RP1L1: variants seen among roughly 807,000 people sequenced by gnomAD.
The protein encoded by RP1L1 is RP1 like 1.
A neutral mutation model predicts 15.7 loss-of-function variants in RP1L1; 27 were observed. The ratio of observed to expected loss-of-function variants is 1.72; its 90% CI spans 1.27 to 2.38. The LOEUF is 2.38. Ranked by LOEUF, RP1L1 falls within the 30% of genes most tolerant of loss-of-function variation. The pLI is 0.00. For missense variants in RP1L1, 4,798 were observed against 3,075.9 expected, an observed-to-expected ratio of 1.56 and a Z score of -13.24; for synonymous variants, 1,813 against 1,276.7, an observed-to-expected ratio of 1.42 and a Z score of -8.96.
At position 10,606,607 on chromosome 8, in the gene RP1L1, C is replaced by G; in HGVS notation, c.*288G>C. The G allele has an allele frequency of 2.2e-6, 1 of 453,754 alleles. No homozygotes were observed. Among genetic ancestry groups the G allele is most frequent in the Non-Finnish European group, 3.9e-6 (1 of 254,300 alleles). The allele number at this position is 453,754 out of a possible 1,614,324, so 28.1% of individuals were successfully genotyped here. On this transcript the variant is annotated 3_prime_UTR_variant, in exon 4 of 4. Transcript: ENST00000382483. ...TTTCCAATCAGTTCCATCTTTCGGGCTCTGCAGACAAATAAATAGGAGCCG... is the reference window on the plus strand; with the variant it reads ...TTTCCAATCAGTTCCATCTTTCGGGGTCTGCAGACAAATAAATAGGAGCCG...
At chr8:10,623,784 C>G (rs1173717756) in intron 1 of RP1L1, among the ~76,000 whole-genome samples, 1 of 151,984 alleles carries the variant, frequency 6.6e-6, no homozygotes, top group African/African-American at 2.4e-5. Context: ...GTCCCCAGCA[C>G]AGCACCACAT....
intron 1 of RP1L1, among the ~76,000 whole-genome samples, chr8:10,650,997 C>T (rs1321591518): frequency 3.9e-5 from 6 of 152,228 alleles, no homozygotes; most frequent in Non-Finnish European, 1.5e-5. Context: ...CACTAAGCTG[C>T]TAATAGCTGT....
chr8:10,649,370 A>G (rs1297119044), intron 1 of RP1L1, among the ~76,000 whole-genome samples: 1 of 152,228 alleles, frequency 6.6e-6, no homozygotes, highest in African/African-American at 2.4e-5. Context: ...AGCACACGAT[A>G]GCAAGCCTTC....
At position 10,609,512 on chromosome 8, in the gene RP1L1, G is replaced by T; in HGVS notation, c.4586C>A (p.Ala1529Asp). The change falls in exon 4 of 4, where the codon GCC becomes GAC. Residue 1529 changes from alanine to aspartate, a missense_variant. Ala to Asp is a moderately radical substitution (Grantham distance 126, BLOSUM62 -2). Transcript: ENST00000382483. ...CGCACTGGCAAGGTGGGCCAGGAAGGCCTTCTCCGTCTTCTTCAGTAACAC... is the reference window on the plus strand; with the variant it reads ...CGCACTGGCAAGGTGGGCCAGGAAGTCCTTCTCCGTCTTCTTCAGTAACAC... ...VSVLLKKTEK[A>D]FLAHLASAVA... The T allele has an allele frequency of 6.2e-7, 1 of 1,609,602 alleles. No individual in the cohort carries two copies. Among genetic ancestry groups the T allele is most frequent in the Non-Finnish European group, 8.5e-7 (1 of 1,178,788 alleles).
chr8:10,651,877 T>C (rs1443125975), intron 1 of RP1L1, among the ~76,000 whole-genome samples: 2 of 151,072 alleles, frequency 1.3e-5, no homozygotes, highest in African/African-American at 4.9e-5. Context: ...ACAGACCTCA[T>C]CAATGACAGT....
At chr8:10,647,098 G>A (rs994626403) in intron 1 of RP1L1, among the ~76,000 whole-genome samples, 11 of 152,184 alleles carry the variant, frequency 7.2e-5, no homozygotes, top group Admixed American at 4.6e-4. Flanking sequence ...GAGCTGTCCC[G>A]CCTTCAGAAC....
At position 10,636,398 on chromosome 8, in the gene RP1L1, G is replaced by T. The variant is rs1388135237; in HGVS notation, c.-19-13178C>A. Among the ~76,000 whole-genome samples, 9 of 152,328 alleles carry T rather than the reference G, an allele frequency of 5.9e-5. No homozygotes were observed. The East Asian group carries it at 1.7e-3, about 29-fold the overall frequency. ...GGCAGCTGTGAAGCCTTGGAGGAAT[G>T]AATCAACCTCTCTGAGCCAGTCACC... On this transcript the variant is annotated intron_variant, in intron 1 of 3. Transcript: ENST00000382483.
At chr8:10,639,141 CAA>C (rs1273243466) in intron 1 of RP1L1, among the ~76,000 whole-genome samples, 2 of 126,736 alleles carry the variant, frequency 1.6e-5, no homozygotes, top group Non-Finnish European at 1.7e-5. Flanking sequence ...GAGACTGTCT[CAA>C]AAAAAAAAAA....
rs557852762 is a variant in RP1L1 at position 10,626,195 on chromosome 8, C to T, written c.-19-2975G>A. Among the ~76,000 whole-genome samples, 3 of 151,496 alleles carry T rather than the reference C, an allele frequency of 2.0e-5. No homozygotes were observed. The South Asian group carries it at 6.3e-4, about 32-fold the overall frequency. On this transcript the variant is annotated intron_variant, in intron 1 of 3. Coordinates refer to ENST00000382483, the MANE Select transcript of RP1L1 (RefSeq NM_178857.6). ...GGCTGGGTAGGGGGCTGGCAGCGGG[C>T]GCAGGCAGCAGGGGCAGTGGATTCA...
At chr8:10,620,150 C>T (rs970507137) in intron 2 of RP1L1, among the ~76,000 whole-genome samples, 2 of 152,158 alleles carry the variant, frequency 1.3e-5, no homozygotes, top group Non-Finnish European at 1.5e-5. Context: ...TCCATCCCAG[C>T]AGTTTTGGTG....
intron 2 of RP1L1, 95 bp downstream of exon 2, chr8:10,622,498 C>T (rs1396839553): frequency 1.0e-5 from 16 of 1,553,834 alleles, no homozygotes; most frequent in African/African-American, 2.7e-5. Context: ...AATCAAATGC[C>T]TCTTTTTAAG....
chr8:10,618,564 T>G (rs1798008425), intron 2 of RP1L1, among the ~76,000 whole-genome samples: 1 of 151,998 alleles, frequency 6.6e-6, no homozygotes, highest in Non-Finnish European at 1.5e-5. Context: ...TAGTGGCATG[T>G]GCCTGTAGTC....
At chr8:10,647,275 G>T (rs952875529) in intron 1 of RP1L1, among the ~76,000 whole-genome samples, 1 of 152,236 alleles carries the variant, frequency 6.6e-6, no homozygotes, top group Non-Finnish European at 1.5e-5. Flanking sequence ...GGACATATCT[G>T]TGACAGCTGA....
rs1797717554 is a variant in RP1L1, at chr8:10,607,155, C to CT, written c.6942dup (p.Glu2315ArgfsTer3). 1.9e-6 allele frequency: 3 copies of CT among 1,614,146 alleles called. No homozygotes were observed. The highest frequency in any genetic ancestry group is 3.3e-5 in the Admixed American group (2 of 60,014). On this transcript the variant is annotated frameshift_variant, in exon 4 of 4. Transcript: ENST00000382483. LOFTEE classifies it low-confidence loss of function (END_TRUNC). ...GTGTCTCCAAGTACATGGTCATTTT[C>CT]TGAGTCTTTCTGCCAGCAGTTGCCC...
Position 10,610,077 on chromosome 8 carries a change from T to G in RP1L1, c.4021A>C (p.Thr1341Pro). The G allele has an allele frequency of 9.5e-6, 14 of 1,466,014 alleles. 6 individuals are homozygous for G. Among genetic ancestry groups the G allele is most frequent in the East Asian group, 2.9e-5 (1 of 34,456 alleles). 90.8% of individuals were successfully genotyped at this position (1,466,014 alleles called of 1,614,324 possible). The change falls in exon 4 of 4, where the codon ACT becomes CCT. Residue 1341 changes from threonine (T) to proline (P), a missense_variant. Physicochemically the swap from Thr to Pro is conservative, Grantham distance 38 (BLOSUM62 -1). Transcript: ENST00000382483. ...LQEEGVQLEETKETEGEGQQE... is the reference protein window; with the variant it reads ...LQEEGVQLEEPKETEGEGQQE... ...TGTCCTTCTCCTTCTGTTTCTTTAG[T>G]TTCCTCTAACTGCACCCCCTCTTCT...
rs750699295 is a variant in RP1L1, at chr8:10,609,787, G to A, written c.4311C>T (p.Ala1437=). The change falls in exon 4 of 4, where the codon GCC becomes GCT. Residue 1437 remains alanine, a synonymous_variant. Transcript: ENST00000382483. ...CCTCTGCGGGGCACGGCTCTGCAGA[G>A]GCAGAGGCTCTTCCTGCTTCCTCCT... ...VQEEEAGRAS[A]SAEPCPAEGT... is the part of the protein sequence containing the mutation. 2.5e-6 allele frequency: 4 copies of A among 1,614,038 alleles called. No individual in the cohort carries two copies. The highest frequency in any genetic ancestry group is 3.3e-4 in the Middle Eastern group (2 of 6,062).
In RP1L1 at chr8:10,607,672, C is replaced by T. The variant is rs1167097597; in HGVS notation, c.6426G>A (p.Gln2142=). The change falls in exon 4 of 4, where the codon CAG becomes CAA. Residue 2142 remains glutamine, a synonymous_variant. Transcript: ENST00000382483. ...IEAPEAEGEA[Q]PESEGVEAQD... is the part of the protein sequence containing the mutation. ...GGGCCTCTACACCTTCTGACTCAGGCTGGGCCTCCCCTTCAGCCTCTGGGG... is the reference window on the plus strand; with the variant it reads ...GGGCCTCTACACCTTCTGACTCAGGTTGGGCCTCCCCTTCAGCCTCTGGGG... The T allele has an allele frequency of 1.9e-6, 3 of 1,587,698 alleles. No homozygotes were observed. Among genetic ancestry groups the T allele is most frequent in the South Asian group, 2.2e-5 (2 of 89,202 alleles).
chr8:10,616,608 G>T, intron 2 of RP1L1, 21 bp from the exon 3 acceptor site: 5 of 1,604,260 alleles, frequency 3.1e-6, no homozygotes, highest in Non-Finnish European at 4.2e-6. Context: ...AGCGGGCGGG[G>T]TCAGGAGGCC....
At position 10,606,962 on chromosome 8, in the gene RP1L1, C is replaced by T. The variant is rs775043510; in HGVS notation, c.7136G>A (p.Gly2379Glu). 3 of 1,614,128 alleles carry T rather than the reference C, an allele frequency of 1.9e-6. No individual in the cohort carries two copies. Reference protein sequence around the residue: ...GYDLQEDQALGSLAPTEAVGR... With the variant: ...GYDLQEDQALESLAPTEAVGR... ...CACTGCCTCAGTGGGGGCGAGACTT[C>T]CGAGTGCCTGGTCCTCTTGTAGGTC... Residue 2379 changes from glycine (G) to glutamate (E), a missense_variant, in exon 4 of 4, where the codon GGA becomes GAA. Gly to Glu is a moderately conservative substitution (Grantham distance 98). Transcript: ENST00000382483.
Sources: allele counts gnomAD v4.1 joint callset (sites outside exome capture counted in the v4.1 genomes callset), GRCh38; gene constraint gnomAD v4.1.1; transcripts MANE v1.5; gene names NCBI Gene and HGNC (gene_info 2026-07-23, HGNC 2026-07-21).